Variants in SH3GL3 observed in about 807,000 individuals in gnomAD.
SH3GL3 encodes the protein SH3 domain containing GRB2 like 3, endophilin A3.
SH3GL3 carries 33 observed loss-of-function variants against 47.7 expected under a neutral mutation model. The ratio of observed to expected loss-of-function variants is 0.69; its 90% CI spans 0.52 to 0.92. SH3GL3 has a LOEUF of 0.92. SH3GL3 is among the 40% of genes least tolerant of loss of function. The pLI, the probability that SH3GL3 is intolerant of heterozygous loss-of-function variation, is 0.00. For synonymous variants in SH3GL3, 155 were observed against 148.8 expected (o/e 1.04, Z -0.30); for missense variants, 363 against 417.8 (o/e 0.87, Z 1.14).
intron 1 of SH3GL3, among the ~76,000 whole-genome samples, chr15:83,469,858 G>A (rs1174922386): frequency 6.6e-6 from 1 of 152,124 alleles, no homozygotes; most frequent in Non-Finnish European, 1.5e-5. Flanking sequence ...GTGTTACTGA[G>A]TTCTTCTATA....
intron 3 of SH3GL3, chr15:83,565,418 A>C (rs2045486037): frequency 2.0e-6 from 1 of 504,434 alleles, no homozygotes; most frequent in African/African-American, 2.0e-5. Flanking sequence ...ATTTCAGTTG[A>C]CATCATCCGA....
chr15:83,576,921 A>ATTTTTTT (rs71156087), intron 6 of SH3GL3, among the ~76,000 whole-genome samples, 180 bp downstream of exon 6: 16 of 86,554 alleles, frequency 1.8e-4, no homozygotes, highest in Admixed American at 5.2e-4. Context: ...AAAAATCATA[A>ATTTTTTT]TTTTTTTTTT....
At chr15:83,542,575 A>T (rs1300575180) in intron 1 of SH3GL3, among the ~76,000 whole-genome samples, 2 of 152,120 alleles carry the variant, frequency 1.3e-5, no homozygotes, top group Non-Finnish European at 2.9e-5. Context: ...ATGAAATTTT[A>T]ACAATATTGA....
chr15:83,503,322 A>G (rs1267137489), intron 1 of SH3GL3, among the ~76,000 whole-genome samples: 1 of 152,174 alleles, frequency 6.6e-6, no homozygotes, highest in Non-Finnish European at 1.5e-5. Context: ...CTGGCTTCTA[A>G]CCTGCTTTTC....
chr15:83,568,758 C>A lies in SH3GL3; in HGVS notation c.331+86C>A, dbSNP rs1352372176. On this transcript the variant is annotated intron_variant, in intron 4 of 8. Coordinates refer to ENST00000427482, the MANE Select transcript of SH3GL3 (RefSeq NM_003027.5). ...TACACAAACCCTTCAGTCTAACAAC[C>A]TTTGTTATTTTTCCATATTACCAAA... 3 of 967,954 alleles carry A rather than the reference C, an allele frequency of 3.1e-6. No individual in the cohort carries two copies. In the African/African-American group the frequency reaches 4.9e-5, roughly 16 times the overall value. 60.0% of individuals were successfully genotyped at this position (967,954 alleles called of 1,614,324 possible).
intron 6 of SH3GL3, among the ~76,000 whole-genome samples, chr15:83,585,610 A>G (rs930208697): frequency 2.6e-5 from 4 of 152,206 alleles, no homozygotes; most frequent in Non-Finnish European, 4.4e-5. Context: ...ATTTAAAAGT[A>G]CGTGTAAAAG....
chr15:83,466,127 C>G (rs2040557552), intron 1 of SH3GL3, among the ~76,000 whole-genome samples: 1 of 152,138 alleles, frequency 6.6e-6, no homozygotes, highest in Non-Finnish European at 1.5e-5. Context: ...TAAATGGAAT[C>G]ATACAGTCTG....
intron 6 of SH3GL3, among the ~76,000 whole-genome samples, chr15:83,581,755 A>G (rs764599917): frequency 1.3e-5 from 2 of 152,162 alleles, no homozygotes; most frequent in African/African-American, 4.8e-5. Flanking sequence ...TTTCTCATCT[A>G]TTTTTGGCAG....
At chr15:83,554,841 C>T (rs911783658) in intron 1 of SH3GL3, among the ~76,000 whole-genome samples, 4 of 152,140 alleles carry the variant, frequency 2.6e-5, no homozygotes, top group Non-Finnish European at 2.9e-5. Flanking sequence ...GGTTTTGCTG[C>T]GTCTGGGTGT....
intron 1 of SH3GL3, among the ~76,000 whole-genome samples, chr15:83,528,298 A>G (rs1489739916): frequency 2.6e-5 from 4 of 152,102 alleles, no homozygotes; most frequent in Non-Finnish European, 5.9e-5. Context: ...ATCCATATCT[A>G]TTTGGGGATC....
rs142797174 is a variant in SH3GL3 at position 83,559,276 on chromosome 15, T to C, written c.69T>C (p.Gly23=). The change falls in exon 2 of 9, where the codon GGT becomes GGC. Residue 23 remains glycine (G), a synonymous_variant. Transcript: ENST00000427482. The stretch of plus-strand genomic sequence containing the variant: ...AGCTATTTAGTGAAAAAATAAGTGG[T>C]GCTGAAGGAACTAAACTAGACGATG... ...ASQLFSEKIS[G]AEGTKLDDEF... 2.8e-5 allele frequency: 44 copies of C among 1,587,262 alleles called. No individual in the cohort carries two copies. In the African/African-American group the frequency reaches 5.5e-4, roughly 20 times the overall value.
intron 1 of SH3GL3, among the ~76,000 whole-genome samples, chr15:83,543,273 A>G (rs1243113816): frequency 2.0e-5 from 3 of 152,148 alleles, no homozygotes; most frequent in South Asian, 2.1e-4. Flanking sequence ...GATATGATGT[A>G]TCACACTAAT....
chr15:83,614,293 A>T (rs1263547311), intron 8 of SH3GL3, among the ~76,000 whole-genome samples: 1 of 152,196 alleles, frequency 6.6e-6, no homozygotes, highest in Non-Finnish European at 1.5e-5. Flanking sequence ...AGCTTTCATC[A>T]TTATGACAAG....
intron 1 of SH3GL3, among the ~76,000 whole-genome samples, chr15:83,449,752 A>G (rs962629602): frequency 3.0e-5 from 4 of 134,246 alleles, no homozygotes; most frequent in Non-Finnish European, 6.3e-5. Context: ...GAAATAATTT[A>G]TGACTTTACC....
At chr15:83,620,060 A>G (rs1212637608), downstream of SH3GL3, among the ~76,000 whole-genome samples, 1 of 152,248 alleles carries the variant, frequency 6.6e-6, no homozygotes, top group African/African-American at 2.4e-5. Context: ...TTCAACTGTA[A>G]GAAGCAATTC....
At chr15:83,479,329 G>T (rs1229848167) in intron 1 of SH3GL3, among the ~76,000 whole-genome samples, 1 of 150,780 alleles carries the variant, frequency 6.6e-6, no homozygotes, top group Non-Finnish European at 1.5e-5. Context: ...TAGAGCGTGT[G>T]CATGTGTGTG....
At chr15:83,466,117 T>C (rs539520887) in intron 1 of SH3GL3, among the ~76,000 whole-genome samples, 1 of 152,300 alleles carries the variant, frequency 6.6e-6, no homozygotes, top group South Asian at 2.1e-4. Context: ...GAATATTATA[T>C]AAATGGAATC....
chr15:83,567,653 C>T (rs1247346268), intron 3 of SH3GL3, among the ~76,000 whole-genome samples: 1 of 152,182 alleles, frequency 6.6e-6, no homozygotes, highest in Admixed American at 6.5e-5. Flanking sequence ...CAGCACCTGC[C>T]TGCCATAATA....
intron 1 of SH3GL3, among the ~76,000 whole-genome samples, chr15:83,498,594 C>T (rs1367466174): frequency 6.6e-6 from 1 of 152,218 alleles, no homozygotes; most frequent in African/African-American, 2.4e-5. Context: ...TCTCTACATT[C>T]TGTAGATTTT....
Sources: gnomAD v4.1 joint callset for allele counts (sites outside exome capture counted in the v4.1 genomes callset) on GRCh38, gnomAD v4.1.1 for gene constraint, MANE v1.5 for transcripts, NCBI Gene and HGNC (gene_info 2026-07-23, HGNC 2026-07-21) for gene names.